The following AVIL variants were observed in gnomAD, a reference collection of about 807,000 sequenced individuals.
The protein encoded by AVIL is advillin.
AVIL carries 78 observed loss-of-function variants against 109.9 expected under a neutral mutation model. The observed-to-expected ratio is 0.71, with a 90% CI of 0.59 to 0.86. AVIL has a LOEUF of 0.86. Ranked by LOEUF, AVIL falls within the 40% of genes least tolerant of loss-of-function variation. AVIL has a pLI of 0.00. For synonymous variants in AVIL, 367 were observed against 379.1 expected (o/e 0.97, Z 0.37); for missense variants, 892 against 1,016.5 (o/e 0.88, Z 1.67).
chr12:57,801,323 C>T (rs896355595), intron 17 of AVIL, 111 bp from the exon 18 acceptor site: 1 of 810,666 alleles, frequency 1.2e-6, no homozygotes, highest in Non-Finnish European at 2.0e-6. Context: ...AGTCAGAAGA[C>T]ATTTCAAGGA....
Position 57,808,438 on chromosome 12 carries a change from G to A in AVIL, c.1050C>T (p.Asp350=), listed in dbSNP as rs767440618. 43 of 1,614,046 alleles carry A rather than the reference G, an allele frequency of 2.7e-5. No homozygotes were observed. The highest frequency in any genetic ancestry group is 3.6e-5 in the Non-Finnish European group (43 of 1,180,036). Residue 350 remains aspartate (D), a synonymous_variant, in exon 10 of 20, where the codon GAC becomes GAT. Transcript: ENST00000549994. ...KQLFQKWSVK[D]QTMGLGKTFS... The stretch of plus-strand genomic sequence containing the variant: ...ACGTTTTCCCCAGGCCCATGGTCTG[G>A]TCCTTTACTGACCACTTCTGGAACA...
At position 57,808,405 on chromosome 12, in the gene AVIL, A is replaced by G. The variant is rs1482988523; in HGVS notation, c.1083T>C (p.Ile361=). ...TGGGGGCAGTCTCACCAATTTTACC[A>G]ATGCTGAACGTTTTCCCCAGGCCCA... ...QTMGLGKTFS[I]GKIAKVFQDK... is the part of the protein sequence containing the mutation. The change falls in exon 10 of 20, where the codon ATT becomes ATC. Residue 361 remains isoleucine (I), a synonymous_variant. Coordinates refer to ENST00000549994, the MANE Select transcript of AVIL (RefSeq NM_006576.4). The G allele has an allele frequency of 1.2e-6, 2 of 1,614,022 alleles. No homozygotes were observed. The highest frequency in any genetic ancestry group is 1.7e-6 in the Non-Finnish European group (2 of 1,180,026).
chr12:57,813,210 TG>T lies in AVIL; in HGVS notation c.338+16del. On this transcript the variant is annotated intron_variant, in intron 4 of 19. Coordinates refer to ENST00000549994, the MANE Select transcript of AVIL (RefSeq NM_006576.4). ...TAAACTGCTGTTTCTGTCCTTGCTCTGTGCACCCCTACTCACATGATGCCCT... is the reference window on the plus strand; with the variant it reads ...TAAACTGCTGTTTCTGTCCTTGCTCTTGCACCCCTACTCACATGATGCCCT... The T allele has an allele frequency of 2.5e-6, 4 of 1,591,702 alleles. No individual in the cohort carries two copies. The highest frequency in any genetic ancestry group is 3.4e-6 in the Non-Finnish European group (4 of 1,164,208).
chr12:57,816,191 CATTTCACA>C, intron 1 of AVIL, 132 bp from the exon 2 acceptor site: 1 of 701,164 alleles, frequency 1.4e-6, no homozygotes, highest in Non-Finnish European at 2.3e-6. Context: ...ATCCCTGCAC[CATTTCACA>C]ATGATGGGGG....
chr12:57,815,433 G>T (rs1229295546), intron 2 of AVIL: 4 of 485,936 alleles, frequency 8.2e-6, no homozygotes, highest in Non-Finnish European at 1.3e-5. Flanking sequence ...AGGGGTTGGG[G>T]GGAATCCTCG....
intron 1 of AVIL, 73 bp from the exon 2 acceptor site, chr12:57,816,132 A>G (rs1183376449): frequency 7.7e-7 from 1 of 1,301,296 alleles, no homozygotes; most frequent in Non-Finnish European, 1.1e-6. Context: ...TTTTCTGCCG[A>G]GCTGCTTCCC....
At chr12:57,799,977 A>G (rs1223224097) in intron 18 of AVIL, 57 bp from the exon 19 acceptor site, 1 of 1,601,780 alleles carries the variant, frequency 6.2e-7, no homozygotes, top group Non-Finnish European at 8.5e-7. Flanking sequence ...CTGTGTGGTT[A>G]CAGTTCTGAA....
chr12:57,798,026 AG>A lies in AVIL; in HGVS notation c.2347-32del, dbSNP rs760446804. ...AGAGAAAACAAAGTTTCTAGTTAGA[AG>A]GAAGACATGACATCATTGCCAACAG... On this transcript the variant is annotated intron_variant, in intron 19 of 19. Coordinates refer to ENST00000549994, the MANE Select transcript of AVIL (RefSeq NM_006576.4). 63 of 1,523,966 alleles carry A rather than the reference AG, an allele frequency of 4.1e-5. 1 individual carries two copies. In the South Asian group the frequency reaches 6.4e-4, roughly 15 times the overall value. 94.4% of individuals were successfully genotyped at this position (1,523,966 alleles called of 1,614,324 possible). A position where few individuals can be genotyped will look rare whatever the true frequency, so the allele number is the denominator to read the frequency against.
intron 1 of AVIL, among the ~76,000 whole-genome samples, chr12:57,818,182 C>CTTTGTTTTTTTTTTT: frequency 2.8e-5 from 1 of 35,254 alleles, no homozygotes; most frequent in Non-Finnish European, 5.3e-5. Flanking sequence ...CCATGCTTGG[C>CTTTGTTTTTTTTTTT]TTTTTTTTTT....
In AVIL at chr12:57,807,570, G is replaced by T. The variant is rs372331590; in HGVS notation, c.1332+20C>A. 3 of 1,614,230 alleles carry T rather than the reference G, an allele frequency of 1.9e-6. No homozygotes were observed. The highest frequency in any genetic ancestry group is 2.5e-6 in the Non-Finnish European group (3 of 1,180,040). ...AGAGGACACATCAGGATCCAAAGCT[G>T]AAGCCTGTGCCAGGCCTACCTGCCA... On this transcript the variant is annotated intron_variant, in intron 12 of 19. Coordinates refer to ENST00000549994, the MANE Select transcript of AVIL (RefSeq NM_006576.4).
At chr12:57,815,737 G>C in intron 2 of AVIL, 1 of 1,422,042 alleles carries the variant, frequency 7.0e-7, no homozygotes, top group Non-Finnish European at 9.2e-7. Context: ...TAAAGGACAA[G>C]CCTGTTTTTG....
At position 57,802,312 on chromosome 12, in the gene AVIL, C is replaced by G. The variant is rs139933127; in HGVS notation, c.1999G>C (p.Glu667Gln). The change falls in exon 17 of 20, where the codon GAG (glutamate) becomes CAG (glutamine). Residue 667 changes from glutamate to glutamine, a missense_variant. Coordinates refer to ENST00000549994, the MANE Select transcript of AVIL (RefSeq NM_006576.4). The stretch of plus-strand genomic sequence containing the variant: ...GCTGTGGCAAGGGCACTCTCCTTCT[C>G]CGTGGCATTGGCCTCAGCCCCAATC... ...LWIGAEANAT[E>Q]KESALATAQQ... The G allele has an allele frequency of 5.6e-6, 9 of 1,613,778 alleles. No individual in the cohort carries two copies. In the Admixed American group the frequency reaches 1.3e-4, roughly 24 times the overall value.
At chr12:57,810,601 G>T in intron 6 of AVIL, 50 bp from the exon 7 acceptor site, 1 of 1,594,952 alleles carries the variant, frequency 6.3e-7, no homozygotes, top group Non-Finnish European at 8.6e-7. Flanking sequence ...ACCCCTTTCT[G>T]CCTGATGTCT....
Position 57,808,185 on chromosome 12 carries a change from TG to T in AVIL, c.1194+8del. On this transcript the variant is annotated splice_region_variant and intron_variant, in intron 11 of 19. Coordinates refer to ENST00000549994, the MANE Select transcript of AVIL (RefSeq NM_006576.4). The stretch of plus-strand genomic sequence containing the variant: ...CTGTCTGCCCTGACATTTGAATCAT[TG>T]GGCTTACCTCAACTTTTCCGTTGCC... 1 of 1,613,750 alleles carries T rather than the reference TG, an allele frequency of 6.2e-7. No homozygotes were observed. The highest frequency in any genetic ancestry group is 8.5e-7 in the Non-Finnish European group (1 of 1,179,598).
intron 4 of AVIL, among the ~76,000 whole-genome samples, 168 bp from the exon 5 acceptor site, chr12:57,811,295 T>C (rs1290666856): frequency 6.6e-6 from 1 of 152,138 alleles, no homozygotes; most frequent in Admixed American, 6.6e-5. Flanking sequence ...GTGAGTGACT[T>C]TCTGGTAGCG....
In AVIL at chr12:57,808,252, G is replaced by A. The variant is rs773976956; in HGVS notation, c.1136C>T (p.Thr379Ile). 19 of 1,614,098 alleles carry A rather than the reference G, an allele frequency of 1.2e-5. No homozygotes were observed. The highest frequency in any genetic ancestry group is 1.3e-5 in the African/African-American group (1 of 74,942). Reference sequence around the variant, plus strand: ...TTCCTGGGCAGCTACCTCTGGCTTGGTGTGTAGCAGAGTCACATCAAATTT... The same window carrying A: ...TTCCTGGGCAGCTACCTCTGGCTTGATGTGTAGCAGAGTCACATCAAATTT... ...QDKFDVTLLH[T>I]KPEVAAQERM... is the part of the protein sequence containing the mutation. Residue 379 changes from threonine to isoleucine, a missense_variant, in exon 11 of 20, where the codon ACC becomes ATC. By Grantham distance (89) the Thr-to-Ile change is moderately conservative. Transcript: ENST00000549994.
chr12:57,797,808 G>T lies in AVIL; in HGVS notation c.*74C>A. The T allele has an allele frequency of 8.5e-7, 1 of 1,179,174 alleles. No individual in the cohort carries two copies. The highest frequency in any genetic ancestry group is 1.2e-6 in the Non-Finnish European group (1 of 862,060). 73.0% of individuals were successfully genotyped at this position (1,179,174 alleles called of 1,614,324 possible). On this transcript the variant is annotated 3_prime_UTR_variant, in exon 20 of 20. Coordinates refer to ENST00000549994, the MANE Select transcript of AVIL (RefSeq NM_006576.4). Reference sequence around the variant, plus strand: ...AGCTGAATGTCAGGCAGAAATTGGTGGATAAATTATTTCCTGATATTGGCA... The same window carrying T: ...AGCTGAATGTCAGGCAGAAATTGGTTGATAAATTATTTCCTGATATTGGCA...
In AVIL at chr12:57,797,845, T is replaced by C. The variant is rs780106410; in HGVS notation, c.*37A>G. 9 of 1,485,082 alleles carry C rather than the reference T, an allele frequency of 6.1e-6. No individual in the cohort carries two copies. Among genetic ancestry groups the C allele is most frequent in the Non-Finnish European group, 6.4e-6 (7 of 1,096,852 alleles). 92.0% of individuals were successfully genotyped at this position (1,485,082 alleles called of 1,614,324 possible). On this transcript the variant is annotated 3_prime_UTR_variant, in exon 20 of 20. Transcript: ENST00000549994. ...TCCTGATATTGGCACTATCTGCTCT[T>C]TTCTGTGGCCTTGCAATAGGTATAG...
chr12:57,808,533 T>C lies in AVIL; in HGVS notation c.955A>G (p.Lys319Glu). 6.2e-7 allele frequency: 1 copy of C among 1,614,124 alleles called. No homozygotes were observed. Among genetic ancestry groups the C allele is most frequent in the Admixed American group, 1.7e-5 (1 of 60,028 alleles). Reference sequence around the variant, plus strand: ...ACATTGGTGCTGCTGGGGTAGCTCTTCATCTTGATGAAGCCCTGCAGAGCC... The same window carrying C: ...ACATTGGTGCTGCTGGGGTAGCTCTCCATCTTGATGAAGCCCTGCAGAGCC... ...MSKALGFIKM[K>E]SYPSSTNVET... is the part of the protein sequence containing the mutation. Residue 319 changes from lysine (K) to glutamate (E), a missense_variant, in exon 10 of 20, where the codon AAG (lysine) becomes GAG (glutamate). Physicochemically the swap from Lys to Glu is moderately conservative, Grantham distance 56. Coordinates refer to ENST00000549994, the MANE Select transcript of AVIL (RefSeq NM_006576.4).
Sources: allele counts gnomAD v4.1 joint callset (sites outside exome capture counted in the v4.1 genomes callset), GRCh38; gene constraint gnomAD v4.1.1; transcripts MANE v1.5; gene names NCBI Gene and HGNC (gene_info 2026-07-23, HGNC 2026-07-21).